Variants in TNFAIP8L3 observed in about 807,000 individuals in gnomAD.
The protein encoded by TNFAIP8L3 is tumor necrosis factor alpha-induced protein 8-like protein 3.
In TNFAIP8L3, 7 loss-of-function variants were observed where a neutral mutation model predicts 11.8. The ratio of observed to expected loss-of-function variants is 0.59; its 90% CI spans 0.34 to 1.11. The LOEUF (loss-of-function observed/expected upper bound fraction) is 1.11, where lower values mean the gene tolerates loss of function less well. Among genes scored for constraint, TNFAIP8L3 ranks in the 50% most tolerant of loss-of-function variants. The probability of loss-of-function intolerance (pLI) is 0.03; values close to 1 mark genes in which losing one functional copy is unlikely to be tolerated. For missense variants in TNFAIP8L3, 219 were observed against 258.6 expected (o/e 0.85, Z 1.05); for synonymous variants, 98 against 103.8 (o/e 0.94, Z 0.34).
rs941083364 is a variant in TNFAIP8L3, at chr15:51,094,873, G to C, written c.-278C>G. 6.6e-6 allele frequency among the ~76,000 whole-genome samples: 1 copy of C among 151,178 alleles called. No individual in the cohort carries two copies. Among genetic ancestry groups the C allele is most frequent in the Non-Finnish European group, 1.5e-5 (1 of 67,778 alleles). ...GGGAGACAGCCGGGAGGAGGGAGGGGAGGCGCGAGCGCCGAGGAGCCCGAG... is the reference window on the plus strand; with the variant it reads ...GGGAGACAGCCGGGAGGAGGGAGGGCAGGCGCGAGCGCCGAGGAGCCCGAG... On this transcript the variant is annotated 5_prime_UTR_variant, in exon 1 of 2. Transcript: ENST00000637513. The surrounding 1 kb of genome is among the most constrained non-coding windows in gnomAD (Gnocchi z 4.4).
chr15:51,080,189 C>T (rs979833401), intron 1 of TNFAIP8L3, among the ~76,000 whole-genome samples: 1 of 152,336 alleles, frequency 6.6e-6, no homozygotes, highest in African/African-American at 2.4e-5. Context: ...GATGACATTA[C>T]TATGATTTAG....
intron 1 of TNFAIP8L3, among the ~76,000 whole-genome samples, chr15:51,084,605 A>G (rs2065414127): frequency 6.6e-6 from 1 of 152,160 alleles, no homozygotes; most frequent in South Asian, 2.1e-4. Context: ...TCACTGTTCT[A>G]TGATTTCACA....
intron 1 of TNFAIP8L3, among the ~76,000 whole-genome samples, chr15:51,077,352 G>A (rs2065359516): frequency 6.6e-6 from 1 of 152,170 alleles, no homozygotes. Context: ...TGGGACTCGT[G>A]TCCGAAACCT....
rs2065427652 is a variant in TNFAIP8L3 at position 51,086,391 on chromosome 15, T to A, written c.52+8153A>T. Among the ~76,000 whole-genome samples, 5 of 152,200 alleles carry A rather than the reference T, an allele frequency of 3.3e-5. No homozygotes were observed. In the South Asian group the frequency reaches 1.0e-3, roughly 32 times the overall value. On this transcript the variant is annotated intron_variant, in intron 1 of 1. Transcript: ENST00000637513. ...TCAGCCAGTCCTTCCCCATTTTGTTTATAGGCTAATGCAGGGAATGTCTGC... is the reference window on the plus strand; with the variant it reads ...TCAGCCAGTCCTTCCCCATTTTGTTAATAGGCTAATGCAGGGAATGTCTGC...
intron 1 of TNFAIP8L3, among the ~76,000 whole-genome samples, chr15:51,063,252 G>A (rs758733383): frequency 3.9e-5 from 6 of 152,200 alleles, no homozygotes; most frequent in Non-Finnish European, 7.3e-5. Flanking sequence ...AGAATGAGAT[G>A]TAGCAGTCTT....
intron 1 of TNFAIP8L3, among the ~76,000 whole-genome samples, chr15:51,069,858 C>T (rs751747406): frequency 1.3e-5 from 2 of 152,208 alleles, no homozygotes; most frequent in Non-Finnish European, 2.9e-5. Context: ...ACAGTCTTTG[C>T]CTTCCTGCAT....
At chr15:51,090,562 GTTTA>G (rs1418249681) in intron 1 of TNFAIP8L3, among the ~76,000 whole-genome samples, 6 of 152,134 alleles carry the variant, frequency 3.9e-5, no homozygotes, top group Non-Finnish European at 5.9e-5. Context: ...CTGCCTTCCT[GTTTA>G]TTTGTGTCTT....
intron 1 of TNFAIP8L3, among the ~76,000 whole-genome samples, chr15:51,103,676 T>C (rs2065569443): frequency 1.3e-5 from 2 of 152,260 alleles, no homozygotes; most frequent in African/African-American, 4.8e-5. Context: ...CTGTGAACTG[T>C]GGTCTTCTAT....
intron 1 of TNFAIP8L3, among the ~76,000 whole-genome samples, chr15:51,104,310 A>G (rs1427545137): frequency 1.3e-5 from 2 of 151,916 alleles, no homozygotes; most frequent in African/African-American, 4.8e-5. Flanking sequence ...CCCCTTATCC[A>G]GCCTTGCCCA....
At chr15:51,078,153 G>A (rs1018092169) in intron 1 of TNFAIP8L3, among the ~76,000 whole-genome samples, 8 of 152,164 alleles carry the variant, frequency 5.3e-5, no homozygotes, top group African/African-American at 1.9e-4. Context: ...GCAGGACAGA[G>A]GAGCTGTGGT....
At chr15:51,078,865 C>T (rs528012851) in intron 1 of TNFAIP8L3, among the ~76,000 whole-genome samples, 1 of 152,262 alleles carries the variant, frequency 6.6e-6, no homozygotes, top group African/African-American at 2.4e-5. Flanking sequence ...CACCTGCCTT[C>T]CTCTGCCTCT....
At chr15:51,087,225 A>C (rs994292368) in intron 1 of TNFAIP8L3, among the ~76,000 whole-genome samples, 2 of 151,798 alleles carry the variant, frequency 1.3e-5, no homozygotes, top group African/African-American at 2.4e-5. Flanking sequence ...CAGCCTTCCC[A>C]CCCTCACTTT....
At chr15:51,069,873 C>T (rs1282373718) in intron 1 of TNFAIP8L3, among the ~76,000 whole-genome samples, 1 of 152,214 alleles carries the variant, frequency 6.6e-6, no homozygotes, top group African/African-American at 2.4e-5. Context: ...CTGCATCTGC[C>T]TTCGAAAAAT....
upstream of TNFAIP8L3, among the ~76,000 whole-genome samples, chr15:51,095,200 C>T (rs899664775): frequency 7.4e-6 from 1 of 134,888 alleles, no homozygotes; most frequent in Non-Finnish European, 1.5e-5. Flanking sequence ...TGTTTTCTCA[C>T]TAGGAAGATG....
At chr15:51,089,572 A>G (rs775412336) in intron 1 of TNFAIP8L3, among the ~76,000 whole-genome samples, 2 of 152,214 alleles carry the variant, frequency 1.3e-5, no homozygotes, top group Non-Finnish European at 2.9e-5. Context: ...TGCATTTCCC[A>G]TAATTCCTAA....
In TNFAIP8L3 at chr15:51,058,007, G is replaced by T. The variant is rs904099295; in HGVS notation, c.489C>A (p.His163Gln). Residue 163 changes from histidine (H) to glutamine (Q), a missense_variant, in exon 2 of 2, where the codon CAC becomes CAA. Physicochemically the swap from His to Gln is conservative, Grantham distance 24 (BLOSUM62 0). Transcript: ENST00000637513. The stretch of plus-strand genomic sequence containing the variant: ...CCACATCGGCAAAGTGGTTAAAGAC[G>T]TGGTTGATGCGCCCGTGGGTCCTGG... ...LTPRTHGRIN[H>Q]VFNHFADVEF... is the part of the protein sequence containing the mutation. 9 of 1,614,096 alleles carry T rather than the reference G, an allele frequency of 5.6e-6. No individual in the cohort carries two copies. The highest frequency in any genetic ancestry group is 1.1e-5 in the South Asian group (1 of 91,090).
upstream of TNFAIP8L3, among the ~76,000 whole-genome samples, chr15:51,097,045 G>T (rs184561760): frequency 1.1e-4 from 16 of 152,098 alleles, no homozygotes; most frequent in African/African-American, 3.9e-4. Context: ...TAGCTTCACA[G>T]AACAGAGCAT....
At chr15:51,058,595 G>C in intron 1 of TNFAIP8L3, 152 bp from the exon 2 acceptor site, 1 of 680,498 alleles carries the variant, frequency 1.5e-6, no homozygotes, top group East Asian at 2.8e-5. Flanking sequence ...CCCCACCCCA[G>C]CCTGGTTCCC....
chr15:51,077,330 C>T (rs555875745), intron 1 of TNFAIP8L3, among the ~76,000 whole-genome samples: 1 of 152,306 alleles, frequency 6.6e-6, no homozygotes, highest in East Asian at 1.9e-4. Context: ...CCTGTGCTGA[C>T]GTAGCTGTGG....
Sources: allele counts gnomAD v4.1 joint callset (sites outside exome capture counted in the v4.1 genomes callset), GRCh38; gene constraint gnomAD v4.1.1; non-coding constraint Gnocchi (gnomAD v3.1); transcripts MANE v1.5; gene names NCBI Gene and HGNC (gene_info 2026-07-23, HGNC 2026-07-21).